Variants in LRRC63 observed in about 807,000 individuals in gnomAD.
LRRC63 encodes the protein leucine rich repeat containing 63, also known as leucine-rich repeat-containing protein 63.
LRRC63 carries 40 observed loss-of-function variants against 49.5 expected under a neutral mutation model. That is an observed-to-expected ratio of 0.81 (90% confidence interval 0.63 to 1.05). The LOEUF (loss-of-function observed/expected upper bound fraction) is 1.05, where lower values mean the gene tolerates loss of function less well. Among genes scored for constraint, LRRC63 ranks in the 50% least tolerant of loss-of-function variants. LRRC63 has a pLI of 0.00. For synonymous variants in LRRC63, 191 were observed against 221.1 expected (o/e 0.86, Z 1.21); for missense variants, 636 against 663.1 (o/e 0.96, Z 0.45).
intron 5 of LRRC63, among the ~76,000 whole-genome samples, chr13:46,245,418 T>C (rs1594065385): frequency 6.6e-6 from 1 of 152,118 alleles, no homozygotes; most frequent in East Asian, 1.9e-4. Context: ...ACTTTTTAGG[T>C]ACACATAGAA....
chr13:46,244,031 C>T (rs2047142439), intron 5 of LRRC63, among the ~76,000 whole-genome samples: 1 of 151,698 alleles, frequency 6.6e-6, no homozygotes, highest in Non-Finnish European at 1.5e-5. Context: ...CAAATAGAAA[C>T]CTAGTTAATT....
At chr13:46,265,786 CTG>C (rs1239148734) in intron 8 of LRRC63, among the ~76,000 whole-genome samples, 2 of 152,224 alleles carry the variant, frequency 1.3e-5, no homozygotes, top group African/African-American at 2.4e-5. Flanking sequence ...TCATTCAGGA[CTG>C]TGGCAGAGAC....
intron 7 of LRRC63, among the ~76,000 whole-genome samples, chr13:46,254,463 A>G (rs140454968): frequency 1.1e-3 from 166 of 152,232 alleles, no homozygotes; most frequent in African/African-American, 3.6e-3. Flanking sequence ...GAACAGGAGG[A>G]GTAACCATTA....
chr13:46,247,863 T>C (rs2047258022), intron 6 of LRRC63, among the ~76,000 whole-genome samples: 1 of 152,082 alleles, frequency 6.6e-6, no homozygotes, highest in Non-Finnish European at 1.5e-5. Context: ...GCAAACTCTA[T>C]ATACATATAC....
rs186581655 is a variant in LRRC63 at position 46,231,445 on chromosome 13, G to A, written c.832+2712G>A. On this transcript the variant is annotated intron_variant, in intron 4 of 9. Coordinates refer to ENST00000595396, the Ensembl canonical transcript of LRRC63. Reference sequence around the variant, plus strand: ...CATGGCAGAAGGCAAAACAAGAGCAGGTATATCACACCACTGCAAAAGCAG... The same window carrying A: ...CATGGCAGAAGGCAAAACAAGAGCAAGTATATCACACCACTGCAAAAGCAG... Among the ~76,000 whole-genome samples, 10 of 152,250 alleles carry A rather than the reference G, an allele frequency of 6.6e-5. No individual in the cohort carries two copies. In the East Asian group the frequency reaches 1.9e-3, roughly 29 times the overall value.
In LRRC63 at chr13:46,223,593, C is replaced by A. The variant is rs535743110; in HGVS notation, c.86-3919C>A. 3.3e-5 allele frequency among the ~76,000 whole-genome samples: 5 copies of A among 151,934 alleles called. No individual in the cohort carries two copies. The South Asian group carries it at 1.0e-3, about 32-fold the overall frequency. ...TGTTAAGGCCAGGCACAGTGGCTCA[C>A]GCCTGTAATCCCAGTACTTTGGGAG... On this transcript the variant is annotated intron_variant, in intron 2 of 9. Coordinates refer to ENST00000595396, the Ensembl canonical transcript of LRRC63.
intron 7 of LRRC63, among the ~76,000 whole-genome samples, chr13:46,254,445 C>G (rs1326855122): frequency 6.6e-6 from 1 of 152,080 alleles, no homozygotes; most frequent in Non-Finnish European, 1.5e-5. Context: ...GGTGGAGATT[C>G]TGGTCTTGAA....
At chr13:46,234,230 G>A (rs956355371) in exon 5 of LRRC63, 24 of 1,550,082 alleles carry the variant, frequency 1.5e-5, no homozygotes, top group Non-Finnish European at 2.1e-5. Context: ...AGAGATACAC[G>A]TTGTACGTGG....
chr13:46,270,828 C>T (rs1166996736), intron 9 of LRRC63, among the ~76,000 whole-genome samples: 1 of 152,196 alleles, frequency 6.6e-6, no homozygotes, highest in Non-Finnish European at 1.5e-5. Flanking sequence ...CCAGATCTGG[C>T]CTGCCCATGT....
chr13:46,221,298 T>C lies in LRRC63; in HGVS notation c.86-6214T>C, dbSNP rs564546958. ...GATTTTCCACATAGCATGATGAACA[T>C]ATGAAATGAAGTCATACATGAGCAA... On this transcript the variant is annotated intron_variant, in intron 2 of 9. Transcript: ENST00000595396. 1.3e-4 allele frequency among the ~76,000 whole-genome samples: 20 copies of C among 152,356 alleles called. No homozygotes were observed. The East Asian group carries it at 2.3e-3, about 18-fold the overall frequency.
chr13:46,268,967 G>A (rs1337379869), intron 9 of LRRC63, among the ~76,000 whole-genome samples: 1 of 137,944 alleles, frequency 7.2e-6, no homozygotes, highest in Non-Finnish European at 1.6e-5. Flanking sequence ...AGTGAAAAAT[G>A]TGCAAAACAT....
chr13:46,213,259 C>T (rs918367330), intron 2 of LRRC63, 140 bp downstream of exon 2: 2 of 603,112 alleles, frequency 3.3e-6, no homozygotes, highest in East Asian at 2.9e-5. Flanking sequence ...ACATCCAATT[C>T]AATTCCACAG....
At chr13:46,219,077 T>C (rs1566467254) in intron 2 of LRRC63, among the ~76,000 whole-genome samples, 2 of 152,190 alleles carry the variant, frequency 1.3e-5, no homozygotes, top group Non-Finnish European at 2.9e-5. Context: ...CCATTATGTG[T>C]CTTGGGGTTG....
At chr13:46,263,174 TTA>T (rs1166310598) in intron 8 of LRRC63, among the ~76,000 whole-genome samples, 1 of 65,400 alleles carries the variant, frequency 1.5e-5, no homozygotes, top group Non-Finnish European at 2.8e-5. Context: ...ATTTTTGAAT[TTA>T]TTTTATTTTT....
chr13:46,234,056 G>A, intron 4 of LRRC63, 136 bp from the exon 5 acceptor site: 1 of 747,782 alleles, frequency 1.3e-6, no homozygotes, highest in Non-Finnish European at 2.0e-6. Context: ...AAGGCTATGG[G>A]GAATCCCTGC....
chr13:46,228,430 A>G (rs1594027720), intron 3 of LRRC63, among the ~76,000 whole-genome samples: 1 of 152,368 alleles, frequency 6.6e-6, no homozygotes, highest in East Asian at 1.9e-4. Context: ...CAACAAGGGA[A>G]TTCAAAGGAT....
intron 5 of LRRC63, among the ~76,000 whole-genome samples, chr13:46,238,620 C>A (rs371693300): frequency 1.3e-5 from 2 of 152,242 alleles, no homozygotes; most frequent in Admixed American, 1.3e-4. Context: ...ACCATCAGCC[C>A]TCATGTGACT....
intron 7 of LRRC63, among the ~76,000 whole-genome samples, chr13:46,254,132 T>C (rs2138542081): frequency 6.6e-6 from 1 of 152,160 alleles, no homozygotes. Flanking sequence ...GAGAACAGTT[T>C]TAGTGGAATG....
chr13:46,225,993 CT>C (rs11370009), intron 2 of LRRC63, among the ~76,000 whole-genome samples: 4 of 148,022 alleles, frequency 2.7e-5, no homozygotes, highest in Admixed American at 1.3e-4. Context: ...TTTCCTTTTT[CT>C]TTTTTTTTTG....
Sources: allele counts gnomAD v4.1 joint callset (sites outside exome capture counted in the v4.1 genomes callset), GRCh38; gene constraint gnomAD v4.1.1; transcripts MANE v1.5; gene names NCBI Gene and HGNC (gene_info 2026-07-23, HGNC 2026-07-21).